ERF: variants seen among roughly 807,000 people sequenced by gnomAD.
The protein encoded by ERF is ETS domain-containing transcription factor ERF.
In ERF, 10 loss-of-function variants were observed where a neutral mutation model predicts 41.6. The ratio of observed to expected loss-of-function variants is 0.24; its 90% confidence interval spans 0.15 to 0.41. The LOEUF (loss-of-function observed/expected upper bound fraction) is 0.41, where lower values mean the gene tolerates loss of function less well. Among genes scored for constraint, ERF ranks in the 10% least tolerant of loss-of-function variants. ERF has a pLI of 1.00. For synonymous variants in ERF, 395 were observed against 342.4 expected (o/e 1.15, Z -1.70); for missense variants, 621 against 763.2 (o/e 0.81, Z 2.19).
chr19:42,255,052 C>T lies in ERF; in HGVS notation c.-53G>A. On this transcript the variant is annotated 5_prime_UTR_variant, in exon 1 of 4. Coordinates refer to ENST00000222329, the MANE Select transcript of ERF (RefSeq NM_006494.4). ...GATTCCGGGCCGCGGCTCCCGGCGC[C>T]CTCGCTGCCCCGTCCCGTCCCGCGC... 1.5e-6 allele frequency: 2 copies of T among 1,325,296 alleles called. No homozygotes were observed. The highest frequency in any genetic ancestry group is 4.7e-5 in the South Asian group (2 of 42,796). 82.1% of individuals were successfully genotyped at this position (1,325,296 alleles called of 1,614,324 possible).
intron 1 of ERF, among the ~76,000 whole-genome samples, chr19:42,251,757 C>T (rs977760406): frequency 6.6e-6 from 1 of 152,136 alleles, no homozygotes; most frequent in Non-Finnish European, 1.5e-5. Context: ...CCACCCAAGT[C>T]TGGAATCCAA....
In ERF at chr19:42,248,497, C is replaced by T; in HGVS notation, c.1615G>A (p.Ala539Thr). ...RVSSDLQHAT[A>T]QLSLEHRDS ...TCTCGGTGCTCCAGGGAGAGCTGGG[C>T]CGTGGCATGCTGGAGGTCAGAGCTC... Residue 539 changes from alanine to threonine, a missense_variant, in exon 4 of 4, where the codon GCC becomes ACC. Around this residue, in one of 3 missense-constraint regions of ERF, gnomAD observed 569 missense variants for 625.5 expected, o/e 0.91. Transcript: ENST00000222329. This position sits in a 1 kb window ranked among gnomAD's most constrained non-coding sequence, Gnocchi z 4.2. 6.6e-7 allele frequency: 1 copy of T among 1,513,998 alleles called. No individual in the cohort carries two copies. The allele number at this position is 1,513,998 out of a possible 1,614,324, so 93.8% of individuals were successfully genotyped here.
At chr19:42,254,318 C>T (rs1249253300) in intron 1 of ERF, among the ~76,000 whole-genome samples, 1 of 152,068 alleles carries the variant, frequency 6.6e-6, no homozygotes, top group Admixed American at 6.5e-5. Context: ...ACCCAGGTCT[C>T]CCCGGAGCCA....
chr19:42,253,962 C>T, intron 1 of ERF: 7 of 1,020,040 alleles, frequency 6.9e-6, no homozygotes, highest in Non-Finnish European at 8.2e-6. Context: ...GGCCGGATTC[C>T]GACGGGGTAG....
chr19:42,249,386 AG>A lies in ERF; in HGVS notation c.725del (p.Pro242LeufsTer29). On this transcript the variant is annotated frameshift_variant, in exon 4 of 4. Transcript: ENST00000222329. LOFTEE classifies it high-confidence loss of function. The surrounding 1 kb of genome is among the most constrained non-coding windows in gnomAD (Gnocchi z 8.6). ...FRVYPRPRGGPEPLSPFPVSP... is the reference protein window; with the variant it reads ...FRVYPRPRGGXEPLSPFPVSP... ...ACACAGGGAAGGGGCTGAGGGGTTC[AG>A]GGCCACCCCGAGGCCGGGGATAGAC... The A allele has an allele frequency of 6.3e-7, 1 of 1,575,048 alleles. No individual in the cohort carries two copies.
Position 42,254,988 on chromosome 19 carries a change from C to T in ERF, c.12G>A (p.Pro4=). The change falls in exon 1 of 4, where the codon CCG becomes CCA. Residue 4 remains proline (P), a synonymous_variant. Coordinates refer to ENST00000222329, the MANE Select transcript of ERF (RefSeq NM_006494.4). ...TGCCCCCGCCCCCACCTGTGTCCGC[C>T]GGGGTCTTCATGCTGGGGGGCCCGG... MKT[P]ADTGFAFPDW... The T allele has an allele frequency of 6.8e-7, 1 of 1,473,226 alleles. No homozygotes were observed. Among genetic ancestry groups the T allele is most frequent in the Non-Finnish European group, 8.9e-7 (1 of 1,119,172 alleles). The allele number at this position is 1,473,226 out of a possible 1,614,324, so 91.3% of individuals were successfully genotyped here.
chr19:42,249,023 CGAG>C lies in ERF; in HGVS notation c.1086_1088del (p.Ser363del). The C allele has an allele frequency of 1.2e-6, 2 of 1,610,948 alleles. No homozygotes were observed. Among genetic ancestry groups the C allele is most frequent in the South Asian group, 1.1e-5 (1 of 90,992 alleles). Reference sequence around the variant, plus strand: ...AAGAAGAAGAAGAGGATGACGAGGCCGAGGAGGGGACCGGTGGGGTCTCGGGTG... The same window carrying C: ...AAGAAGAAGAAGAGGATGACGAGGCCGAGGGGACCGGTGGGGTCTCGGGTG... On this transcript the variant is annotated inframe_deletion, in exon 4 of 4. Transcript: ENST00000222329. The surrounding 1 kb of genome is among the most constrained non-coding windows in gnomAD (Gnocchi z 8.6).
In ERF at chr19:42,250,635, G is replaced by A. The variant is rs2036429252; in HGVS notation, c.23-70C>T. ...TCCAGGGCTCTGGGTCCCATCCCAG[G>A]GTCCACCTCTGCCCTGCCTTCAACA... On this transcript the variant is annotated intron_variant, in intron 1 of 3. Transcript: ENST00000222329. The surrounding 1 kb of genome is among the most constrained non-coding windows in gnomAD (Gnocchi z 5.1). The A allele has an allele frequency of 6.8e-7, 1 of 1,466,566 alleles. No individual in the cohort carries two copies. Among genetic ancestry groups the A allele is most frequent in the South Asian group, 1.2e-5 (1 of 81,392 alleles). The allele number at this position is 1,466,566 out of a possible 1,614,324, so 90.8% of individuals were successfully genotyped here. A position where few individuals can be genotyped will look rare whatever the true frequency, so the allele number is the denominator to read the frequency against.
intron 1 of ERF, among the ~76,000 whole-genome samples, chr19:42,254,269 C>G (rs1039004405): frequency 6.6e-5 from 10 of 151,934 alleles, no homozygotes; most frequent in African/African-American, 1.2e-4. Context: ...CTTCCCCACC[C>G]TCCTCAACCC....
chr19:42,248,290 A>AC lies in ERF; in HGVS notation c.*174dup, dbSNP rs1210223211. ...AGCCCCTAGCCCTGGGCACCCACCC[A>AC]CCCCCACCATTTTTAAAAAAAAGAA... On this transcript the variant is annotated 3_prime_UTR_variant, in exon 4 of 4. Coordinates refer to ENST00000222329, the MANE Select transcript of ERF (RefSeq NM_006494.4). This position sits in a 1 kb window ranked among gnomAD's most constrained non-coding sequence, Gnocchi z 4.2. The AC allele has an allele frequency of 3.4e-5, 8 of 236,960 alleles. No individual in the cohort carries two copies. Among genetic ancestry groups the AC allele is most frequent in the South Asian group, 1.8e-4 (1 of 5,534 alleles). The allele number at this position is 236,960 out of a possible 1,614,324, so 14.7% of individuals were successfully genotyped here.
Position 42,248,663 on chromosome 19 carries a change from G to C in ERF, c.1449C>G (p.Arg483=). 1 of 1,604,614 alleles carries C rather than the reference G, an allele frequency of 6.2e-7. No homozygotes were observed. Among genetic ancestry groups the C allele is most frequent in the Non-Finnish European group, 8.5e-7 (1 of 1,173,324 alleles). ...GASQCMPLKL[R]FKRRWSEDCR... ...AGTCTTCACTCCAGCGCCGCTTAAAGCGTAGCTTGAGGGGCATGCACTGGG... is the reference window on the plus strand; with the variant it reads ...AGTCTTCACTCCAGCGCCGCTTAAACCGTAGCTTGAGGGGCATGCACTGGG... The change falls in exon 4 of 4, where the codon CGC becomes CGG. Residue 483 remains arginine, a synonymous_variant. Coordinates refer to ENST00000222329, the MANE Select transcript of ERF (RefSeq NM_006494.4). This position sits in a 1 kb window ranked among gnomAD's most constrained non-coding sequence, Gnocchi z 4.2.
rs756863883 is a variant in ERF, at chr19:42,249,220, C to T, written c.892G>A (p.Gly298Arg). ...CTGAAGGAGAAGTGGGAGCCTCCCCCTGAGCCGCTGGGCCCCCCGCCACCA... is the reference window on the plus strand; with the variant it reads ...CTGAAGGAGAAGTGGGAGCCTCCCCTTGAGCCGCTGGGCCCCCCGCCACCA... ...PSGGGGPSGS[G>R]GGSHFSFSPE... The change falls in exon 4 of 4, where the codon GGG becomes AGG. Residue 298 changes from glycine to arginine, a missense_variant. Around this residue, in one of 3 missense-constraint regions of ERF, gnomAD observed 569 missense variants for 625.5 expected, o/e 0.91. Coordinates refer to ENST00000222329, the MANE Select transcript of ERF (RefSeq NM_006494.4). The surrounding 1 kb of genome is among the most constrained non-coding windows in gnomAD (Gnocchi z 8.6). 9 of 1,613,316 alleles carry T rather than the reference C, an allele frequency of 5.6e-6. No homozygotes were observed. In the African/African-American group the frequency reaches 6.7e-5, roughly 12 times the overall value.
In ERF at chr19:42,248,026, TGAG is replaced by T. The variant is rs2036357860; in HGVS notation, c.*436_*438del. 2 of 155,832 alleles carry T rather than the reference TGAG, an allele frequency of 1.3e-5. No homozygotes were observed. Among genetic ancestry groups the T allele is most frequent in the Non-Finnish European group, 2.8e-5 (2 of 70,708 alleles). The allele number at this position is 155,832 out of a possible 1,614,324, so 9.7% of individuals were successfully genotyped here. A position where few individuals can be genotyped will look rare whatever the true frequency, so the allele number is the denominator to read the frequency against. ...GGGGCAGGGCAGGCAGGGCTGGGGC[TGAG>T]GAGGGCTGGGAGTGGGGCAGAGCGG... On this transcript the variant is annotated 3_prime_UTR_variant, in exon 4 of 4. Coordinates refer to ENST00000222329, the MANE Select transcript of ERF (RefSeq NM_006494.4). The surrounding 1 kb of genome is among the most constrained non-coding windows in gnomAD (Gnocchi z 4.2).
At position 42,255,115 on chromosome 19, in the gene ERF, T is replaced by C. The variant is rs2036511841; in HGVS notation, c.-116A>G. 1 of 876,286 alleles carries C rather than the reference T, an allele frequency of 1.1e-6. No homozygotes were observed. Among genetic ancestry groups the C allele is most frequent in the Non-Finnish European group, 1.5e-6 (1 of 660,284 alleles). The allele number at this position is 876,286 out of a possible 1,614,324, so 54.3% of individuals were successfully genotyped here. On this transcript the variant is annotated 5_prime_UTR_variant, in exon 1 of 4. Coordinates refer to ENST00000222329, the MANE Select transcript of ERF (RefSeq NM_006494.4). Reference sequence around the variant, plus strand: ...CCTCGCCGCCTCACCCGGCCTCGCCTCTCAGAGCCTCTCCCCTCCCCGCCG... The same window carrying C: ...CCTCGCCGCCTCACCCGGCCTCGCCCCTCAGAGCCTCTCCCCTCCCCGCCG...
At position 42,254,250 on chromosome 19, in the gene ERF, T is replaced by TC. The variant is rs1177853402; in HGVS notation, c.22+727dup. 6.1e-5 allele frequency among the ~76,000 whole-genome samples: 9 copies of TC among 146,668 alleles called. No homozygotes were observed. In the East Asian group the frequency reaches 2.0e-3, roughly 33 times the overall value. On this transcript the variant is annotated intron_variant, in intron 1 of 3. Coordinates refer to ENST00000222329, the MANE Select transcript of ERF (RefSeq NM_006494.4). ...GGGGCGAGGGGGGAGCCTCTGCGTCTCCCCCCACCTTCCCCACCCTCCTCA... is the reference window on the plus strand; with the variant it reads ...GGGGCGAGGGGGGAGCCTCTGCGTCTCCCCCCCACCTTCCCCACCCTCCTCA...
chr19:42,254,958 C>G lies in ERF; in HGVS notation c.22+20G>C, dbSNP rs1381720583. 1 of 1,502,992 alleles carries G rather than the reference C, an allele frequency of 6.7e-7. No homozygotes were observed. Among genetic ancestry groups the G allele is most frequent in the Non-Finnish European group, 8.8e-7 (1 of 1,135,106 alleles). The allele number at this position is 1,502,992 out of a possible 1,614,324, so 93.1% of individuals were successfully genotyped here. On this transcript the variant is annotated intron_variant, in intron 1 of 3. Transcript: ENST00000222329. Reference sequence around the variant, plus strand: ...CCCGGGGCAACAAGTCTCCCCCACACGTGCTGCCCCCGCCCCCACCTGTGT... The same window carrying G: ...CCCGGGGCAACAAGTCTCCCCCACAGGTGCTGCCCCCGCCCCCACCTGTGT...
At chr19:42,251,168 G>A in intron 1 of ERF, 1 of 963,970 alleles carries the variant, frequency 1.0e-6, no homozygotes, top group African/African-American at 1.8e-5. Context: ...GTCTTCCCTG[G>A]AGAGTGAAAC....
rs1025643124 is a variant in ERF at position 42,250,095 on chromosome 19, G to A, written c.258-153C>T. ...TCAAGTGCCCAGAGGGTGGGTACCAGCTCTCTCCTCACATCTAAGGCAGGA... is the reference window on the plus strand; with the variant it reads ...TCAAGTGCCCAGAGGGTGGGTACCAACTCTCTCCTCACATCTAAGGCAGGA... On this transcript the variant is annotated intron_variant, in intron 2 of 3. Coordinates refer to ENST00000222329, the MANE Select transcript of ERF (RefSeq NM_006494.4). The surrounding 1 kb of genome is among the most constrained non-coding windows in gnomAD (Gnocchi z 5.1). 8.6e-6 allele frequency: 7 copies of A among 814,446 alleles called. No homozygotes were observed. In the Middle Eastern group the frequency reaches 1.1e-3, roughly 128 times the overall value. 50.5% of individuals were successfully genotyped at this position (814,446 alleles called of 1,614,324 possible). A position where few individuals can be genotyped will look rare whatever the true frequency, so the allele number is the denominator to read the frequency against.
At chr19:42,254,872 T>C (rs2036507721) in intron 1 of ERF, 106 bp downstream of exon 1, 25 of 1,295,744 alleles carry the variant, frequency 1.9e-5, no homozygotes, top group Non-Finnish European at 2.6e-5. Context: ...CCCCCAGAAC[T>C]GGGGATCACT....
Sources: allele counts gnomAD v4.1 joint callset (sites outside exome capture counted in the v4.1 genomes callset), GRCh38; gene constraint gnomAD v4.1.1; regional missense constraint gnomAD v4.1.1; non-coding constraint Gnocchi (gnomAD v3.1); transcripts MANE v1.5; gene names NCBI Gene and HGNC (gene_info 2026-07-23, HGNC 2026-07-21).